The following ATG2B variants were observed in gnomAD, a reference collection of about 807,000 sequenced individuals.
The protein encoded by ATG2B is autophagy-related protein 2 homolog B.
In ATG2B, 121 loss-of-function variants were observed where a neutral mutation model predicts 241.3. That is an observed-to-expected ratio of 0.50 (90% CI 0.43 to 0.58). ATG2B has a LOEUF of 0.58. ATG2B is among the 20% of genes least tolerant of loss of function. The pLI, the probability that ATG2B is intolerant of heterozygous loss-of-function variation, is 0.00. For synonymous variants in ATG2B, 858 were observed against 876.6 expected, an observed-to-expected ratio of 0.98 and a Z score of 0.37; for missense variants, 2,306 against 2,491.6, an observed-to-expected ratio of 0.93 and a Z score of 1.59.
chr14:96,323,391 T>C (rs2139871507), intron 16 of ATG2B, among the ~76,000 whole-genome samples: 1 of 152,302 alleles, frequency 6.6e-6, no homozygotes, highest in African/African-American at 2.4e-5. Flanking sequence ...TCTCCTTTGA[T>C]TACCACATCC....
intron 6 of ATG2B, among the ~76,000 whole-genome samples, chr14:96,335,384 A>G (rs1378307041): frequency 2.0e-5 from 3 of 152,210 alleles, no homozygotes; most frequent in African/African-American, 7.2e-5. Flanking sequence ...AAAATCAAAT[A>G]AACTACATAA....
At position 96,322,749 on chromosome 14, in the gene ATG2B, C is replaced by A; in HGVS notation, c.2541-14G>T. 1 of 1,604,924 alleles carries A rather than the reference C, an allele frequency of 6.2e-7. No homozygotes were observed. ...TTCAGTACAATTCTGATAGCAAAGA[C>A]AATTTTAAAAAGACCAAGATCTAAG... On this transcript the variant is annotated splice_polypyrimidine_tract_variant and intron_variant, in intron 16 of 41. Transcript: ENST00000359933.
Position 96,306,870 on chromosome 14 carries a change from G to A in ATG2B, c.4350C>T (p.Asp1450=), listed in dbSNP as rs1224386330. ...CACTCTCGTCAGGAAACAGGAAGAGGTCTGAACAACATGGCTCCTGAATTT... is the reference window on the plus strand; with the variant it reads ...CACTCTCGTCAGGAAACAGGAAGAGATCTGAACAACATGGCTCCTGAATTT... ...KSQIQEPCCS[D]LFLFPDESGN... is the part of the protein sequence containing the mutation. Residue 1450 remains aspartate, a synonymous_variant, in exon 30 of 42, where the codon GAC becomes GAT. Transcript: ENST00000359933. 6 of 1,613,894 alleles carry A rather than the reference G, an allele frequency of 3.7e-6. No individual in the cohort carries two copies. The highest frequency in any genetic ancestry group is 5.1e-6 in the Non-Finnish European group (6 of 1,180,014).
chr14:96,303,769 C>T (rs145020952), intron 32 of ATG2B, among the ~76,000 whole-genome samples: 1 of 152,182 alleles, frequency 6.6e-6, no homozygotes, highest in East Asian at 1.9e-4. Flanking sequence ...TGGACCCTAC[C>T]ATACACAGAG....
chr14:96,286,940 T>TGGCAA (rs1445499761), intron 41 of ATG2B, among the ~76,000 whole-genome samples: 1 of 151,886 alleles, frequency 6.6e-6, no homozygotes, highest in Non-Finnish European at 1.5e-5. Flanking sequence ...GGCAAAAACG[T>TGGCAA]AATACCACAG....
intron 6 of ATG2B, among the ~76,000 whole-genome samples, chr14:96,338,026 T>G (rs989342221): frequency 1.3e-5 from 2 of 152,080 alleles, no homozygotes; most frequent in Non-Finnish European, 2.9e-5. Context: ...GTATTTTATT[T>G]TATTTTATTT....
chr14:96,305,456 A>G, intron 31 of ATG2B, 133 bp downstream of exon 31: 1 of 593,820 alleles, frequency 1.7e-6, no homozygotes, highest in Non-Finnish European at 2.9e-6. Flanking sequence ...TTTTAATACT[A>G]CTTTATTAAT....
chr14:96,285,924 C>G lies in ATG2B; in HGVS notation c.6068G>C (p.Gly2023Ala). ...AACCTCGCCCACGGCACCAGTCACCCCTCTGCTCTCGTGTTCTCGAGCCGC... is the reference window on the plus strand; with the variant it reads ...AACCTCGCCCACGGCACCAGTCACCGCTCTGCTCTCGTGTTCTCGAGCCGC... ...ETAAREHESR[G>A]VTGAVGEVLR... The change falls in exon 42 of 42, where the codon GGG (glycine) becomes GCG (alanine). Residue 2023 changes from glycine (G) to alanine (A), a missense_variant. Gly to Ala is a moderately conservative substitution (Grantham distance 60). Transcript: ENST00000359933. The surrounding 1 kb of genome is among the most constrained non-coding windows in gnomAD (Gnocchi z 4.2). 1 of 1,614,036 alleles carries G rather than the reference C, an allele frequency of 6.2e-7. No individual in the cohort carries two copies. Among genetic ancestry groups the G allele is most frequent in the South Asian group, 1.1e-5 (1 of 91,072 alleles).
In ATG2B at chr14:96,316,459, A is replaced by G. The variant is rs2139864533; in HGVS notation, c.3361+74T>C. 2.1e-6 allele frequency: 3 copies of G among 1,449,912 alleles called. No homozygotes were observed. The South Asian group carries it at 3.8e-5, about 18-fold the overall frequency. The allele number at this position is 1,449,912 out of a possible 1,614,324, so 89.8% of individuals were successfully genotyped here. A position where few individuals can be genotyped will look rare whatever the true frequency, so the allele number is the denominator to read the frequency against. On this transcript the variant is annotated intron_variant, in intron 21 of 41. Coordinates refer to ENST00000359933, the MANE Select transcript of ATG2B (RefSeq NM_018036.7). ...TTTCTAATACCAAAGTTCTGTTCTC[A>G]ATAGATTTTCTTTGTTAAACAAGAA...
chr14:96,315,086 T>G (rs1032821715), intron 23 of ATG2B, 68 bp downstream of exon 23: 77 of 1,122,724 alleles, frequency 6.9e-5, no homozygotes, highest in Non-Finnish European at 9.8e-5. Flanking sequence ...TACAAACTTT[T>G]CAGTATGTGT....
At position 96,290,590 on chromosome 14, in the gene ATG2B, A is replaced by G; in HGVS notation, c.5702T>C (p.Val1901Ala). Reference sequence around the variant, plus strand: ...CCAGACCAAGTCCTTTAGGCCTTGTACTACAACAGTCAACACAAAATCAAC... The same window carrying G: ...CCAGACCAAGTCCTTTAGGCCTTGTGCTACAACAGTCAACACAAAATCAAC... ...VGPMHSLVQL[V>A]QGLKDLVWLP... The change falls in exon 40 of 42, where the codon GTA (valine) becomes GCA (alanine). Residue 1901 changes from valine (V) to alanine (A), a missense_variant and splice_region_variant. Around this residue, in one of 2 missense-constraint regions of ATG2B, gnomAD observed 379 missense variants for 480.4 expected, o/e 0.79. Coordinates refer to ENST00000359933, the MANE Select transcript of ATG2B (RefSeq NM_018036.7). The surrounding 1 kb of genome is among the most constrained non-coding windows in gnomAD (Gnocchi z 4.4). The G allele has an allele frequency of 6.2e-7, 1 of 1,613,904 alleles. No individual in the cohort carries two copies. Among genetic ancestry groups the G allele is most frequent in the Non-Finnish European group, 8.5e-7 (1 of 1,179,874 alleles).
chr14:96,285,837 T>C lies in ATG2B; in HGVS notation c.6155A>G (p.Asn2052Ser), dbSNP rs1183865661. 1.2e-6 allele frequency: 2 copies of C among 1,614,140 alleles called. No homozygotes were observed. The highest frequency in any genetic ancestry group is 4.5e-5 in the East Asian group (2 of 44,882). The change falls in exon 42 of 42, where the codon AAC (asparagine) becomes AGC (serine). Residue 2052 changes from asparagine to serine, a missense_variant. Around this residue, in one of 2 missense-constraint regions of ATG2B, gnomAD observed 379 missense variants for 480.4 expected, o/e 0.79. Coordinates refer to ENST00000359933, the MANE Select transcript of ATG2B (RefSeq NM_018036.7). The surrounding 1 kb of genome is among the most constrained non-coding windows in gnomAD (Gnocchi z 4.2). ...TTGGTTTCTCATGCCACCCAGCACG[T>C]TTGACGTTGCTTCTGTGGCAACAAT... ...PLIVATEATS[N>S]VLGGMRNQIR... is the part of the protein sequence containing the mutation.
At position 96,329,601 on chromosome 14, in the gene ATG2B, T is replaced by A; in HGVS notation, c.1764A>T (p.Glu588Asp). Residue 588 changes from glutamate (E) to aspartate (D), a missense_variant, in exon 12 of 42, where the codon GAA (glutamate) becomes GAT (aspartate). Physicochemically the swap from Glu to Asp is conservative, Grantham distance 45. Coordinates refer to ENST00000359933, the MANE Select transcript of ATG2B (RefSeq NM_018036.7). The stretch of plus-strand genomic sequence containing the variant: ...ATCGGGAAGCTGATCTTTGTCTTTG[T>A]TCATAGGATACTTTAATGCCAGTAC... ...FIGTGIKVSY[E>D]QRQRSASRYF... 6.2e-7 allele frequency: 1 copy of A among 1,608,506 alleles called. No homozygotes were observed. The highest frequency in any genetic ancestry group is 8.5e-7 in the Non-Finnish European group (1 of 1,175,340).
In ATG2B at chr14:96,299,553, G is replaced by T. The variant is rs943120353; in HGVS notation, c.5139+2454C>A. Among the ~76,000 whole-genome samples, 8 of 152,198 alleles carry T rather than the reference G, an allele frequency of 5.3e-5. No individual in the cohort carries two copies. In the East Asian group the frequency reaches 5.8e-4, roughly 11 times the overall value. On this transcript the variant is annotated intron_variant, in intron 34 of 41. Coordinates refer to ENST00000359933, the MANE Select transcript of ATG2B (RefSeq NM_018036.7). Reference sequence around the variant, plus strand: ...TGAATTGATACGCTTTCCCGGCAGAGTTCCAGGCAGTACAAAACTAAAATG... The same window carrying T: ...TGAATTGATACGCTTTCCCGGCAGATTTCCAGGCAGTACAAAACTAAAATG...
chr14:96,359,929 C>T (rs1215190397), intron 1 of ATG2B, among the ~76,000 whole-genome samples: 1 of 152,194 alleles, frequency 6.6e-6, no homozygotes, highest in Non-Finnish European at 1.5e-5. Context: ...CTGGCACCTT[C>T]CTTCAAGCCA....
rs1566720015 is a variant in ATG2B at position 96,308,284 on chromosome 14, T to TATATATATATA, written c.4303+1168_4303+1169insTATATATATAT. 4.4e-4 allele frequency among the ~76,000 whole-genome samples: 19 copies of TATATATATATA among 42,964 alleles called. 1 individual carries two copies. Among genetic ancestry groups the TATATATATATA allele is most frequent in the Non-Finnish European group, 5.8e-4 (14 of 24,194 alleles). 28.2% of individuals were successfully genotyped at this position (42,964 alleles called of 152,430 possible). The stretch of plus-strand genomic sequence containing the variant: ...TATATATATATATATATATATATAT[T>TATATATATATA]TTTTTTTTTTTTTTTTTTGAGACAG... On this transcript the variant is annotated intron_variant, in intron 29 of 41. Coordinates refer to ENST00000359933, the MANE Select transcript of ATG2B (RefSeq NM_018036.7).
At position 96,325,850 on chromosome 14, in the gene ATG2B, C is replaced by A. The variant is rs1031083281; in HGVS notation, c.2236G>T (p.Ala746Ser). ...PANCRISVQV[A>S]TPALNLSVRF... is the part of the protein sequence containing the mutation. ...ACAGAAAGGTTTAATGCTGGTGTGG[C>A]AACTTGTACTGATATCCGACAATTT... Residue 746 changes from alanine (A) to serine (S), a missense_variant, in exon 15 of 42, where the codon GCC becomes TCC. Ala to Ser is a moderately conservative substitution (Grantham distance 99). Around this residue, in one of 2 missense-constraint regions of ATG2B, gnomAD observed 1,927 missense variants for 2,011.2 expected, o/e 0.96. Coordinates refer to ENST00000359933, the MANE Select transcript of ATG2B (RefSeq NM_018036.7). 3.7e-6 allele frequency: 6 copies of A among 1,614,006 alleles called. No homozygotes were observed. The highest frequency in any genetic ancestry group is 5.1e-6 in the Non-Finnish European group (6 of 1,179,980).
rs760557264 is a variant in ATG2B, at chr14:96,347,169, A to G, written c.325+10T>C. The stretch of plus-strand genomic sequence containing the variant: ...AAAACACATAAAACAGAAACATACA[A>G]CACACCAACCTGGGCGAGGTCTAGG... On this transcript the variant is annotated intron_variant, in intron 2 of 41. Transcript: ENST00000359933. The G allele has an allele frequency of 2.6e-6, 4 of 1,566,166 alleles. No homozygotes were observed. The African/African-American group carries it at 5.4e-5, about 21-fold the overall frequency.
chr14:96,349,616 GA>G (rs1048984023), intron 1 of ATG2B, among the ~76,000 whole-genome samples: 1 of 152,206 alleles, frequency 6.6e-6, no homozygotes, highest in African/African-American at 2.4e-5. Context: ...TTGGCATCAT[GA>G]GGGGTAAAAG....
Sources: allele counts gnomAD v4.1 joint callset (sites outside exome capture counted in the v4.1 genomes callset), GRCh38; gene constraint gnomAD v4.1.1; regional missense constraint gnomAD v4.1.1; non-coding constraint Gnocchi (gnomAD v3.1); transcripts MANE v1.5; gene names NCBI Gene and HGNC (gene_info 2026-07-23, HGNC 2026-07-21).